GRIPAP1: variants seen among roughly 807,000 people sequenced by gnomAD.
The protein encoded by GRIPAP1 is GRIP1-associated protein 1.
GRIPAP1 carries 14 observed loss-of-function variants against 84.1 expected under a neutral mutation model. The ratio of observed to expected loss-of-function variants is 0.17; its 90% CI spans 0.11 to 0.26. The LOEUF (loss-of-function observed/expected upper bound fraction) is 0.26. GRIPAP1 is among the 10% of genes least tolerant of loss of function. The pLI is 1.00. For synonymous variants in GRIPAP1, 261 were observed against 256.8 expected (o/e 1.02, Z -0.15); for missense variants, 518 against 674.2 (o/e 0.77, Z 2.57).
Position 48,999,232 on chromosome X carries a change from A to C in GRIPAP1, c.171+6T>G. Reference sequence around the variant, plus strand: ...GGTAGGTGGATGGGTGGGTGGAGGGAGGTACCTTCTGAGCTTTGCTGAACT... The same window carrying C: ...GGTAGGTGGATGGGTGGGTGGAGGGCGGTACCTTCTGAGCTTTGCTGAACT... On this transcript the variant is annotated splice_donor_region_variant and intron_variant, in intron 3 of 25. Transcript: ENST00000376423. 8.4e-7 allele frequency: 1 copy of C among 1,187,864 alleles called. No homozygotes were observed. Among genetic ancestry groups the C allele is most frequent in the Non-Finnish European group, 1.1e-6 (1 of 874,311 alleles).
Position 48,978,192 on chromosome X carries a change from A to C in GRIPAP1, c.2061+113T>G, listed in dbSNP as rs1172544205. The C allele has an allele frequency of 3.2e-5, 26 of 823,552 alleles. No homozygotes were observed. The African/African-American group carries it at 4.7e-4, about 15-fold the overall frequency. 67.9% of individuals were successfully genotyped at this position (823,552 alleles called of 1,213,427 possible). ...CTTGGGGAAAAGTTGACAAGAAAATATGTGTGCTGCGCCCAAAGTAGGAGA... is the reference window on the plus strand; with the variant it reads ...CTTGGGGAAAAGTTGACAAGAAAATCTGTGTGCTGCGCCCAAAGTAGGAGA... On this transcript the variant is annotated intron_variant, in intron 22 of 25. Coordinates refer to ENST00000376423, the MANE Select transcript of GRIPAP1 (RefSeq NM_020137.5).
Position 48,978,349 on chromosome X carries a change from G to C in GRIPAP1, c.2017C>G (p.Arg673Gly). The change falls in exon 22 of 26, where the codon CGG becomes GGG. Residue 673 changes from arginine to glycine, a missense_variant. Coordinates refer to ENST00000376423, the MANE Select transcript of GRIPAP1 (RefSeq NM_020137.5). ...DSSSISSFSY[R>G]EILREKESSA... ...CTCTCCTTTTCCCGCAAGATCTCCC[G>C]GTAGCTGAAGGAGGAGATGCTACTG... 1 of 1,208,216 alleles carries C rather than the reference G, an allele frequency of 8.3e-7. No individual in the cohort carries two copies. The highest frequency in any genetic ancestry group is 1.1e-6 in the Non-Finnish European group (1 of 893,278).
In GRIPAP1 at chrX:48,983,432, C is replaced by T; in HGVS notation, c.1281G>A (p.Glu427=). The change falls in exon 16 of 26, where the codon GAG becomes GAA. Residue 427 remains glutamate, a synonymous_variant. Transcript: ENST00000376423. The stretch of plus-strand genomic sequence containing the variant: ...GCTCATCCAGCATGGCCTTCCGCTT[C>T]TCCGCACTCTGGGGGCCAGGACGAT... The part of the protein sequence containing the change: ...QELQEARKSA[E]KRKAMLDELA... 5 of 1,207,927 alleles carry T rather than the reference C, an allele frequency of 4.1e-6. No individual in the cohort carries two copies. The highest frequency in any genetic ancestry group is 4.5e-6 in the Non-Finnish European group (4 of 892,121).
chrX:48,979,813 C>T (rs897458856), intron 21 of GRIPAP1, among the ~76,000 whole-genome samples: 6 of 109,771 alleles, frequency 5.5e-5, no homozygotes, highest in Admixed American at 2.0e-4. Flanking sequence ...GGGGTTTCAC[C>T]GTGTTGGCCA....
At chrX:48,974,867 A>G (rs1258081914) in intron 25 of GRIPAP1, among the ~76,000 whole-genome samples, 1 of 111,851 alleles carries the variant, frequency 8.9e-6, no homozygotes, top group African/African-American at 3.3e-5. Flanking sequence ...TGGGGTAGAC[A>G]ATGAGATAAG....
intron 13 of GRIPAP1, 70 bp downstream of exon 13, chrX:48,987,715 T>C: frequency 1.5e-6 from 1 of 656,653 alleles, no homozygotes; most frequent in Non-Finnish European, 2.5e-6. Flanking sequence ...CCTACCCTGA[T>C]GTGGACCAGA....
chrX:48,976,391 G>A lies in GRIPAP1; in HGVS notation c.2062-28C>T, dbSNP rs181533882. The A allele has an allele frequency of 3.1e-3, 3,689 of 1,183,400 alleles. 6 individuals carry two copies. Among genetic ancestry groups the A allele is most frequent in the Non-Finnish European group, 3.9e-3 (3,392 of 880,896 alleles). ...GCAGGAAAGAGAAGGGGAGAGGCCA[G>A]CCCCGGGCTCAGCACCACCGACCCC... On this transcript the variant is annotated intron_variant, in intron 22 of 25. Coordinates refer to ENST00000376423, the MANE Select transcript of GRIPAP1 (RefSeq NM_020137.5).
In GRIPAP1 at chrX:48,991,106, C is replaced by A. The variant is rs782224257; in HGVS notation, c.462G>T (p.Leu154=). 1.7e-6 allele frequency: 2 copies of A among 1,183,345 alleles called. No homozygotes were observed. The highest frequency in any genetic ancestry group is 2.3e-6 in the Non-Finnish European group (2 of 870,359). ...CGGCTTCTTTCCCATAGCGTTCCTGCAGGGCTGGTGAGTAGAACAGGGATA... is the reference window on the plus strand; with the variant it reads ...CGGCTTCTTTCCCATAGCGTTCCTGAAGGGCTGGTGAGTAGAACAGGGATA... The part of the protein sequence containing the change: ...NTALQKNVAA[L]QERYGKEAGK... Residue 154 remains leucine (L), a synonymous_variant, in exon 7 of 26, where the codon CTG becomes CTT. Coordinates refer to ENST00000376423, the MANE Select transcript of GRIPAP1 (RefSeq NM_020137.5).
rs2064422843 is a variant in GRIPAP1 at position 48,976,382 on chromosome X, G to A, written c.2062-19C>T. On this transcript the variant is annotated intron_variant, in intron 22 of 25. Transcript: ENST00000376423. ...ATAAGGACTGCAGGAAAGAGAAGGG[G>A]AGAGGCCAGCCCCGGGCTCAGCACC... 14 of 1,192,488 alleles carry A rather than the reference G, an allele frequency of 1.2e-5. No homozygotes were observed. The highest frequency in any genetic ancestry group is 1.7e-5 in the African/African-American group (1 of 57,618).
rs1557062062 is a variant in GRIPAP1, at chrX:48,981,320, G to C, written c.1831-6C>G. ...TGCCGCTTGAGGTCCTTGAGCTGTG[G>C]GGGACAGGGGTAACATGAGGACTGA... On this transcript the variant is annotated splice_polypyrimidine_tract_variant and splice_region_variant and intron_variant, in intron 20 of 25. Transcript: ENST00000376423. 2 of 1,206,454 alleles carry C rather than the reference G, an allele frequency of 1.7e-6. No homozygotes were observed. Among genetic ancestry groups the C allele is most frequent in the Non-Finnish European group, 2.2e-6 (2 of 891,501 alleles).
In GRIPAP1 at chrX:48,995,152, C is replaced by T. The variant is rs782521129; in HGVS notation, c.307-1574G>A. Among the ~76,000 whole-genome samples the T allele has an allele frequency of 7.1e-5, 8 of 112,131 alleles. No individual in the cohort carries two copies. The South Asian group carries it at 2.2e-3, about 31-fold the overall frequency. ...GAATAAGGGGTGGTGGCAGGTTTAACGTAGCTCTCTCTGAGAGCACTTCCA... is the reference window on the plus strand; with the variant it reads ...GAATAAGGGGTGGTGGCAGGTTTAATGTAGCTCTCTCTGAGAGCACTTCCA... On this transcript the variant is annotated intron_variant, in intron 5 of 25. Coordinates refer to ENST00000376423, the MANE Select transcript of GRIPAP1 (RefSeq NM_020137.5).
At chrX:48,975,068 G>A in intron 25 of GRIPAP1, 87 bp downstream of exon 25, 1 of 938,519 alleles carries the variant, frequency 1.1e-6, no homozygotes, top group Non-Finnish European at 1.5e-6. Flanking sequence ...GGGTGGGCAA[G>A]GGGACTGGCA....
In GRIPAP1 at chrX:48,976,284, C is replaced by T. The variant is rs1557060476; in HGVS notation, c.2141G>A (p.Arg714Gln). The change falls in exon 23 of 26, where the codon CGG becomes CAG. Residue 714 changes from arginine (R) to glutamine (Q), a missense_variant. Arg to Gln is a conservative substitution (Grantham distance 43). Transcript: ENST00000376423. ...TTTCTCCTGCTGTGTCTCTGCCAGC[C>T]GCTGAAAGAGCTCAGCCACTTCCTC... ...SDEEVAELFQ[R>Q]LAETQQEKWM... 1 of 1,179,500 alleles carries T rather than the reference C, an allele frequency of 8.5e-7. No homozygotes were observed. The highest frequency in any genetic ancestry group is 2.5e-5 in the Admixed American group (1 of 40,281).
Position 48,981,754 on chromosome X carries a change from G to A in GRIPAP1, c.1677+41C>T, listed in dbSNP as rs782014043. On this transcript the variant is annotated intron_variant, in intron 18 of 25. Coordinates refer to ENST00000376423, the MANE Select transcript of GRIPAP1 (RefSeq NM_020137.5). ...AGCCTCTGTCCTCCCAGGAGGGCCC[G>A]TCACTGTCTGGAGAGAGGAACACCA... 18 of 1,161,952 alleles carry A rather than the reference G, an allele frequency of 1.5e-5. No individual in the cohort carries two copies. The South Asian group carries it at 2.7e-4, about 18-fold the overall frequency.
At chrX:48,992,214 C>T (rs1348094311) in intron 6 of GRIPAP1, among the ~76,000 whole-genome samples, 1 of 112,145 alleles carries the variant, frequency 8.9e-6, no homozygotes, top group Non-Finnish European at 1.9e-5. Flanking sequence ...CCATGTTGGC[C>T]AGGCTGGTCT....
intron 7 of GRIPAP1, 46 bp downstream of exon 7, chrX:48,990,880 T>A: frequency 2.8e-6 from 3 of 1,067,118 alleles, no homozygotes; most frequent in Non-Finnish European, 3.8e-6. Context: ...AGGTAGAACA[T>A]CTGCCCTGCC....
intron 24 of GRIPAP1, 121 bp downstream of exon 24, chrX:48,975,897 T>C: frequency 1.8e-6 from 1 of 546,499 alleles, no homozygotes; most frequent in Non-Finnish European, 3.1e-6. Flanking sequence ...CCACAGGCCA[T>C]GGTCTTGTCA....
At chrX:48,999,393 C>T (rs370690222) in intron 2 of GRIPAP1, 45 bp downstream of exon 2, 1 of 1,135,690 alleles carries the variant, frequency 8.8e-7, no homozygotes, top group African/African-American at 1.8e-5. Context: ...CCTCGGACAC[C>T]ATTCCCCAAA....
intron 16 of GRIPAP1, 53 bp downstream of exon 16, chrX:48,983,175 G>T: frequency 8.7e-7 from 1 of 1,154,223 alleles, no homozygotes; most frequent in Non-Finnish European, 1.2e-6. Context: ...TATCAGCAAC[G>T]CTGTGGTTCC....
Sources: allele counts gnomAD v4.1 joint callset (sites outside exome capture counted in the v4.1 genomes callset), GRCh38; gene constraint gnomAD v4.1.1; transcripts MANE v1.5; gene names NCBI Gene and HGNC (gene_info 2026-07-23, HGNC 2026-07-21).